The following CNTN4 variants were observed in gnomAD, a reference collection of about 807,000 sequenced individuals.
CNTN4 encodes the protein contactin 4, also known as contactin-4.
Under a neutral mutation model 122.5 loss-of-function variants are expected in CNTN4, and 77 were observed. The observed-to-expected ratio is 0.63, with a 90% CI of 0.52 to 0.76. The LOEUF is 0.76. Ranked by LOEUF, CNTN4 falls within the 30% of genes least tolerant of loss-of-function variation. The pLI, the probability that CNTN4 is intolerant of heterozygous loss-of-function variation, is 0.00. For synonymous variants in CNTN4, 512 were observed against 447.0 expected (o/e 1.15, Z -1.83); for missense variants, 1,256 against 1,259.1 (o/e 1.00, Z 0.04).
At chr3:2,265,050 T>G (rs1249185864) in intron 2 of CNTN4, among the ~76,000 whole-genome samples, 1 of 152,052 alleles carries the variant, frequency 6.6e-6, no homozygotes, top group African/African-American at 2.4e-5. Flanking sequence ...GTCCATTGTA[T>G]CATTCTTATG....
At chr3:2,889,603 A>T (rs961875883) in intron 10 of CNTN4, among the ~76,000 whole-genome samples, 1 of 152,206 alleles carries the variant, frequency 6.6e-6, no homozygotes, top group Non-Finnish European at 1.5e-5. Context: ...ATCAGATAGG[A>T]ACAATCTGTA....
chr3:2,705,978 A>G lies in CNTN4; in HGVS notation c.56-30237A>G, dbSNP rs181345301. Among the ~76,000 whole-genome samples, 57 of 135,196 alleles carry G rather than the reference A, an allele frequency of 4.2e-4. 1 individual carries two copies. The East Asian group carries it at 0.011, about 26-fold the overall frequency. 88.7% of individuals were successfully genotyped at this position (135,196 alleles called of 152,430 possible). On this transcript the variant is annotated intron_variant, in intron 4 of 24. Transcript: ENST00000418658. Reference sequence around the variant, plus strand: ...TATAAATATATAAAATATATATTATATAAAATATAAAATAAATATATAAAA... The same window carrying G: ...TATAAATATATAAAATATATATTATGTAAAATATAAAATAAATATATAAAA...
chr3:2,858,489 G>A (rs1225684237), intron 7 of CNTN4, among the ~76,000 whole-genome samples: 4 of 152,110 alleles, frequency 2.6e-5, no homozygotes, highest in African/African-American at 9.7e-5. Context: ...ACTTTGGGAG[G>A]CTGTGATGGG....
intron 4 of CNTN4, among the ~76,000 whole-genome samples, chr3:2,682,081 A>C (rs1178388971): frequency 6.6e-6 from 1 of 152,216 alleles, no homozygotes. Context: ...GATATTTATA[A>C]ATCCTCTACT....
At chr3:3,021,388 T>C (rs560998769) in intron 14 of CNTN4, among the ~76,000 whole-genome samples, 1 of 152,344 alleles carries the variant, frequency 6.6e-6, no homozygotes, top group Non-Finnish European at 1.5e-5. Flanking sequence ...GGCATTTAAA[T>C]ATGATTAAAA....
chr3:2,970,391 G>A (rs150388998), intron 13 of CNTN4, among the ~76,000 whole-genome samples: 9 of 152,102 alleles, frequency 5.9e-5, no homozygotes, highest in Admixed American at 1.3e-4. Flanking sequence ...GCCACTGCAC[G>A]TGGACTAATA....
intron 3 of CNTN4, among the ~76,000 whole-genome samples, chr3:2,485,195 T>C (rs2151617927): frequency 6.6e-6 from 1 of 152,352 alleles, no homozygotes; most frequent in South Asian, 2.1e-4. Context: ...TCTCCCCCTG[T>C]GGCTGTGGGC....
intron 2 of CNTN4, among the ~76,000 whole-genome samples, chr3:2,116,882 G>A (rs984306800): frequency 6.6e-5 from 10 of 152,118 alleles, no homozygotes; most frequent in Admixed American, 1.3e-4. Context: ...GGTGGGTTCT[G>A]TGTGGGAGAA....
chr3:2,746,926 C>T (rs770460137), intron 6 of CNTN4, among the ~76,000 whole-genome samples: 5 of 152,106 alleles, frequency 3.3e-5, no homozygotes, highest in Non-Finnish European at 7.4e-5. Flanking sequence ...AGTCTTGTAT[C>T]TATATTGATT....
chr3:2,836,126 T>C (rs1199211057), intron 7 of CNTN4, among the ~76,000 whole-genome samples: 1 of 152,122 alleles, frequency 6.6e-6, no homozygotes, highest in East Asian at 1.9e-4. Flanking sequence ...AAATGAATTA[T>C]CTATTAAGAA....
chr3:2,659,722 T>A (rs1027205754), intron 4 of CNTN4, among the ~76,000 whole-genome samples: 1 of 152,230 alleles, frequency 6.6e-6, no homozygotes, highest in Non-Finnish European at 1.5e-5. Flanking sequence ...TCTTTTCATT[T>A]GTTATGCTTT....
chr3:2,430,240 G>C (rs913208269), intron 3 of CNTN4, among the ~76,000 whole-genome samples: 1 of 151,846 alleles, frequency 6.6e-6, no homozygotes, highest in Non-Finnish European at 1.5e-5. Context: ...TGGCTAACAC[G>C]GTGAAACCCC....
chr3:2,792,914 G>C (rs940810488), intron 6 of CNTN4, among the ~76,000 whole-genome samples: 31 of 152,176 alleles, frequency 2.0e-4, no homozygotes, highest in African/African-American at 7.5e-4. Context: ...CCTCTGATGA[G>C]TGAAGATTTG....
intron 3 of CNTN4, among the ~76,000 whole-genome samples, chr3:2,417,860 C>G (rs2151084431): frequency 6.6e-6 from 1 of 152,216 alleles, no homozygotes; most frequent in South Asian, 2.1e-4. Context: ...ATGTGTATTA[C>G]TAAGTGAAAA....
intron 2 of CNTN4, among the ~76,000 whole-genome samples, chr3:2,260,614 A>C (rs931769811): frequency 1.3e-5 from 2 of 151,966 alleles, no homozygotes; most frequent in Non-Finnish European, 2.9e-5. Flanking sequence ...CCTGCTATAA[A>C]TTTCTTGCTT....
rs1559415732 is a variant in CNTN4, at chr3:2,287,691, GA to G, written c.-144-51486del. ...AGAAGAAGAAGAAGAAGAAGAAGAA[GA>G]GGAAGAAGAAGAAGAAGAGGAAGAA... On this transcript the variant is annotated intron_variant, in intron 2 of 24. Coordinates refer to ENST00000418658, the MANE Select transcript of CNTN4 (RefSeq NM_175607.3). Among the ~76,000 whole-genome samples, 110 of 92,038 alleles carry G rather than the reference GA, an allele frequency of 1.2e-3. 2 individuals are homozygous for G. The highest frequency in any genetic ancestry group is 5.6e-3 in the Middle Eastern group (1 of 180). The allele number at this position is 92,038 out of a possible 152,430, so 60.4% of individuals were successfully genotyped here.
chr3:2,728,736 A>C (rs530752747), intron 4 of CNTN4, among the ~76,000 whole-genome samples: 116 of 152,356 alleles, frequency 7.6e-4, no homozygotes, highest in African/African-American at 2.7e-3. Context: ...ACTCATATCT[A>C]AACCCATGCA....
At chr3:3,044,948 A>G (rs921368993) in intron 23 of CNTN4, among the ~76,000 whole-genome samples, 1 of 152,172 alleles carries the variant, frequency 6.6e-6, no homozygotes, top group African/African-American at 2.4e-5. Context: ...GTCTTAGCAA[A>G]CGGCACACCA....
At chr3:2,668,449 T>C (rs573590831) in intron 4 of CNTN4, among the ~76,000 whole-genome samples, 1 of 152,370 alleles carries the variant, frequency 6.6e-6, no homozygotes, top group Non-Finnish European at 1.5e-5. Flanking sequence ...TTTTGTATCC[T>C]GAGACTTTAC....
Sources: gnomAD v4.1 joint callset for allele counts (sites outside exome capture counted in the v4.1 genomes callset) on GRCh38, gnomAD v4.1.1 for gene constraint, MANE v1.5 for transcripts, NCBI Gene and HGNC (gene_info 2026-07-23, HGNC 2026-07-21) for gene names.